Variants in PITRM1 observed in about 807,000 individuals in gnomAD.
The protein encoded by PITRM1 is presequence protease, mitochondrial.
PITRM1 carries 100 observed loss-of-function variants against 129.9 expected under a neutral mutation model. That is an observed-to-expected ratio of 0.77 (90% CI 0.65 to 0.91). The LOEUF is 0.91. Ranked by LOEUF, PITRM1 falls within the 40% of genes least tolerant of loss-of-function variation. PITRM1 has a pLI of 0.00. For missense variants in PITRM1, 1,471 were observed against 1,318.3 expected, an observed-to-expected ratio of 1.12 and a Z score of -1.79; for synonymous variants, 591 against 508.8, an observed-to-expected ratio of 1.16 and a Z score of -2.17.
rs765882856 is a variant in PITRM1 at position 3,147,281 on chromosome 10, G to A, written c.2236-31C>T. The A allele has an allele frequency of 1.8e-5, 27 of 1,487,052 alleles. 1 individual carries two copies. The highest frequency in any genetic ancestry group is 1.7e-4 in the South Asian group (15 of 87,898). 92.1% of individuals were successfully genotyped at this position (1,487,052 alleles called of 1,614,324 possible). Reference sequence around the variant, plus strand: ...CCAGAGGAAACTCGCTCAGAGAGAGGCAGAGGCTACAACAGACCCGCTGAG... The same window carrying A: ...CCAGAGGAAACTCGCTCAGAGAGAGACAGAGGCTACAACAGACCCGCTGAG... On this transcript the variant is annotated intron_variant, in intron 19 of 26. Coordinates refer to ENST00000224949, the MANE Select transcript of PITRM1 (RefSeq NM_014889.4).
In PITRM1 at chr10:3,149,739, C is replaced by T. The variant is rs746600102; in HGVS notation, c.1753G>A (p.Val585Ile). The T allele has an allele frequency of 1.9e-6, 3 of 1,613,566 alleles. No homozygotes were observed. The South Asian group carries it at 3.3e-5, about 18-fold the overall frequency. ...DVVLTAGDIP[V>I]QYCAQPTNGM... The stretch of plus-strand genomic sequence containing the variant: ...TTGGTGGGCTGGGCGCAGTACTGAA[C>T]AGGGATATCTCCAGCTAGAAAAACA... The change falls in exon 16 of 27, where the codon GTT becomes ATT. Residue 585 changes from valine to isoleucine, a missense_variant. Physicochemically the swap from Val to Ile is conservative, Grantham distance 29 (BLOSUM62 3). Coordinates refer to ENST00000224949, the MANE Select transcript of PITRM1 (RefSeq NM_014889.4).
intron 2 of PITRM1, among the ~76,000 whole-genome samples, chr10:3,168,601 T>C (rs952148930): frequency 2.0e-5 from 3 of 152,028 alleles, no homozygotes; most frequent in Non-Finnish European, 4.4e-5. Flanking sequence ...TTCCTCCATG[T>C]TATTCTCGTG....
At chr10:3,166,811 T>C (rs987231794) in intron 3 of PITRM1, 125 bp downstream of exon 3, 5 of 582,520 alleles carry the variant, frequency 8.6e-6, no homozygotes, top group African/African-American at 1.9e-5. Flanking sequence ...TTAGTGTTAG[T>C]GTATTTTATG....
intron 22 of PITRM1, chr10:3,143,841 CATATT>C (rs1272998139): frequency 4.8e-5 from 27 of 563,872 alleles, no homozygotes; most frequent in Admixed American, 4.0e-4. Flanking sequence ...TATTTCATAT[CATATT>C]ATATCATAGG....
In PITRM1 at chr10:3,163,778, T is replaced by C. The variant is rs753990291; in HGVS notation, c.738A>G (p.Thr246=). Residue 246 remains threonine, a synonymous_variant, in exon 7 of 27, where the codon ACA becomes ACG. Coordinates refer to ENST00000224949, the MANE Select transcript of PITRM1 (RefSeq NM_014889.4). ...GGDPLCIPEL[T]WEQLKQFHAT... ...CATGAAACTGCTTAAGCTGCTCCCA[T>C]GTAAGCTCCGGGATGCACAGTGGGT... is the stretch of plus-strand genomic sequence containing the variant. 6.2e-6 allele frequency: 10 copies of C among 1,613,390 alleles called. No homozygotes were observed. The highest frequency in any genetic ancestry group is 2.7e-5 in the African/African-American group (2 of 75,032).
chr10:3,155,627 G>A lies in PITRM1; in HGVS notation c.1585C>T (p.Leu529=). Residue 529 remains leucine, a synonymous_variant, in exon 14 of 27, where the codon CTG becomes TTG. Transcript: ENST00000224949. ...ATCTGCTGCCTGTCTCCGGGGGACA[G>A]AGCCTCGACCTTCTGCTTGAGCTTC... ...ATKLKQKVEA[L]SPGDRQQIYE... is the part of the protein sequence containing the mutation. 1 of 1,613,956 alleles carries A rather than the reference G, an allele frequency of 6.2e-7. No homozygotes were observed. The highest frequency in any genetic ancestry group is 8.5e-7 in the Non-Finnish European group (1 of 1,179,880).
In PITRM1 at chr10:3,158,867, G is replaced by A. The variant is rs769795641; in HGVS notation, c.1136+47C>T. 3 of 1,588,908 alleles carry A rather than the reference G, an allele frequency of 1.9e-6. No homozygotes were observed. The Admixed American group carries it at 5.2e-5, about 28-fold the overall frequency. Reference sequence around the variant, plus strand: ...GGTGCGGAGGTGGAGGAGCAAAACTGCCCCCAACCAATGAGAACTACTGAT... The same window carrying A: ...GGTGCGGAGGTGGAGGAGCAAAACTACCCCCAACCAATGAGAACTACTGAT... On this transcript the variant is annotated intron_variant, in intron 10 of 26. Transcript: ENST00000224949.
rs111340098 is a variant in PITRM1, at chr10:3,165,009, C to T, written c.630+229G>A. On this transcript the variant is annotated intron_variant, in intron 6 of 26. Transcript: ENST00000224949. Reference sequence around the variant, plus strand: ...AAATAGCTTTTATCTCACAGACTTGCTGCAGATCACATACCAGGGGTCCCC... The same window carrying T: ...AAATAGCTTTTATCTCACAGACTTGTTGCAGATCACATACCAGGGGTCCCC... Among the ~76,000 whole-genome samples, 731 of 152,300 alleles carry T rather than the reference C, an allele frequency of 4.8e-3. 6 individuals are homozygous for T. The highest frequency in any genetic ancestry group is 0.017 in the African/African-American group (691 of 41,564).
rs550131793 is a variant in PITRM1, at chr10:3,158,507, G to A, written c.1137-354C>T. Among the ~76,000 whole-genome samples the A allele has an allele frequency of 9.2e-5, 14 of 152,192 alleles. No homozygotes were observed. In the East Asian group the frequency reaches 2.5e-3, roughly 27 times the overall value. On this transcript the variant is annotated intron_variant, in intron 10 of 26. Transcript: ENST00000224949. ...GGAGCTTGCAGTGAGCCGAGATCGC[G>A]TCACTGCACTCCAGCCTGGGCGACA...
intron 14 of PITRM1, among the ~76,000 whole-genome samples, chr10:3,153,635 AAAC>A (rs1841715432): frequency 6.6e-6 from 1 of 152,070 alleles, no homozygotes; most frequent in East Asian, 1.9e-4. Context: ...AAAACCAAAA[AAAC>A]AACAAAAAAA....
chr10:3,146,955 C>A, intron 20 of PITRM1, 195 bp downstream of exon 20: 1 of 408,800 alleles, frequency 2.4e-6, no homozygotes, highest in Non-Finnish European at 4.4e-6. Context: ...AATTAGCCTG[C>A]TTTCTTCCCC....
In PITRM1 at chr10:3,143,417, C is replaced by A. The variant is rs200737276; in HGVS notation, c.2617G>T (p.Val873Phe). ...VNYVGECIRT[V>F]PYTDPDHASL... ...GCATGATCTGGGTCCGTGTAGGGGA[C>A]AGTTCGGATGCATTCACCCACGTAA... is the stretch of plus-strand genomic sequence containing the variant. Residue 873 changes from valine (V) to phenylalanine (F), a missense_variant, in exon 23 of 27, where the codon GTC (valine) becomes TTC (phenylalanine). Physicochemically the swap from Val to Phe is conservative, Grantham distance 50. Coordinates refer to ENST00000224949, the MANE Select transcript of PITRM1 (RefSeq NM_014889.4). The A allele has an allele frequency of 4.3e-6, 7 of 1,612,572 alleles. No individual in the cohort carries two copies. Among genetic ancestry groups the A allele is most frequent in the Non-Finnish European group, 5.9e-6 (7 of 1,178,632 alleles).
chr10:3,150,949 C>T (rs985240546), intron 15 of PITRM1, among the ~76,000 whole-genome samples: 6 of 152,036 alleles, frequency 3.9e-5, no homozygotes, highest in African/African-American at 1.4e-4. Flanking sequence ...GCGCTTCACA[C>T]AGTCACAGCG....
chr10:3,138,840 T>A (rs749568272), intron 25 of PITRM1, 64 bp downstream of exon 25: 4 of 1,538,788 alleles, frequency 2.6e-6, no homozygotes, highest in Non-Finnish European at 3.6e-6. Context: ...GCCGGGAACT[T>A]GGAAAACAGC....
chr10:3,165,375 TAA>T (rs1312322738), intron 5 of PITRM1, 36 bp downstream of exon 5: 5 of 1,601,280 alleles, frequency 3.1e-6, no homozygotes, highest in Non-Finnish European at 3.4e-6. Context: ...ACTCAAATAC[TAA>T]AGTCTGTATC....
intron 1 of PITRM1, 44 bp downstream of exon 1, chr10:3,172,673 C>A (rs978279789): frequency 1.3e-6 from 2 of 1,518,312 alleles, no homozygotes; most frequent in Non-Finnish European, 1.8e-6. Flanking sequence ...ACCCTCCCCT[C>A]CCGGGTACCA....
chr10:3,160,195 G>A lies in PITRM1; in HGVS notation c.918+9C>T, dbSNP rs1588696296. Reference sequence around the variant, plus strand: ...ACCAGGAAGGACACAAACACGGTGGGGCACTCACAGGCTTGTCCCAGGGTG... The same window carrying A: ...ACCAGGAAGGACACAAACACGGTGGAGCACTCACAGGCTTGTCCCAGGGTG... On this transcript the variant is annotated intron_variant, in intron 8 of 26. Transcript: ENST00000224949. The A allele has an allele frequency of 1.9e-6, 3 of 1,613,518 alleles. No homozygotes were observed. The highest frequency in any genetic ancestry group is 2.5e-6 in the Non-Finnish European group (3 of 1,179,682).
At chr10:3,143,670 T>G (rs1840513403) in intron 22 of PITRM1, 169 bp from the exon 23 acceptor site, 1 of 712,860 alleles carries the variant, frequency 1.4e-6, no homozygotes, top group African/African-American at 1.8e-5. Flanking sequence ...TGCAGCCAGG[T>G]GCTGGGGCGC....
Position 3,162,041 on chromosome 10 carries a change from G to A in PITRM1, c.791+1684C>T, listed in dbSNP as rs185275959. Among the ~76,000 whole-genome samples, 41 of 151,778 alleles carry A rather than the reference G, an allele frequency of 2.7e-4. 1 individual carries two copies. The highest frequency in any genetic ancestry group is 6.2e-4 in the South Asian group (3 of 4,806). On this transcript the variant is annotated intron_variant, in intron 7 of 26. Coordinates refer to ENST00000224949, the MANE Select transcript of PITRM1 (RefSeq NM_014889.4). ...ATAAGCACTAGCTGGGCATGGTGGC[G>A]TGCGCCTGTAGTCCCAGCTACTCAG...
Sources: allele counts gnomAD v4.1 joint callset (sites outside exome capture counted in the v4.1 genomes callset), GRCh38; gene constraint gnomAD v4.1.1; transcripts MANE v1.5; gene names NCBI Gene and HGNC (gene_info 2026-07-23, HGNC 2026-07-21).